Variants in CRTC2 observed in about 807,000 individuals in gnomAD.
The protein encoded by CRTC2 is CREB regulated transcription coactivator 2, also known as CREB-regulated transcription coactivator 2.
CRTC2 carries 25 observed loss-of-function variants against 70.9 expected under a neutral mutation model. That is an observed-to-expected ratio of 0.35 (90% CI 0.26 to 0.49). The LOEUF is 0.49. Ranked by LOEUF, CRTC2 falls within the 20% of genes least tolerant of loss-of-function variation. CRTC2 has a pLI of 0.98. For missense variants in CRTC2, 737 were observed against 882.6 expected (o/e 0.83, Z 2.09); for synonymous variants, 330 against 364.1 (o/e 0.91, Z 1.07).
chr1:153,954,751 T>A (rs2102117962), intron 3 of CRTC2, 122 bp downstream of exon 3: 1 of 855,338 alleles, frequency 1.2e-6, no homozygotes, highest in East Asian at 2.5e-5. Flanking sequence ...TCAGGGAAGC[T>A]GGGTAAAGAA....
Position 153,948,231 on chromosome 1 carries a change from G to A in CRTC2, c.1960C>T (p.Leu654=). The A allele has an allele frequency of 1.2e-6, 2 of 1,614,260 alleles. No homozygotes were observed. The highest frequency in any genetic ancestry group is 1.7e-6 in the Non-Finnish European group (2 of 1,180,034). The change falls in exon 14 of 14, where the codon CTA becomes TTA. Residue 654 remains leucine, a synonymous_variant. Transcript: ENST00000368633. Reference sequence around the variant, plus strand: ...GGCTCCATGCGCAGCTCATCTTCTAGCCCAAGCCCTAGCTCCAATCCAGCT... The same window carrying A: ...GGCTCCATGCGCAGCTCATCTTCTAACCCAAGCCCTAGCTCCAATCCAGCT... ...SAAGLELGLG[L]EDELRMEPLG... is the part of the protein sequence containing the mutation.
At chr1:153,951,702 T>C in intron 10 of CRTC2, 36 bp from the exon 11 acceptor site, 1 of 1,606,330 alleles carries the variant, frequency 6.2e-7, no homozygotes, top group Non-Finnish European at 8.5e-7. Flanking sequence ...GATGCCAACA[T>C]TACTGATGGG....
chr1:153,955,247 C>T, intron 1 of CRTC2, 81 bp from the exon 2 acceptor site: 1 of 1,040,838 alleles, frequency 9.6e-7, no homozygotes, highest in Non-Finnish European at 1.5e-6. Context: ...TCTCTGTCAC[C>T]AGGATATGCT....
chr1:153,954,176 C>T, intron 4 of CRTC2, 79 bp downstream of exon 4: 2 of 1,082,636 alleles, frequency 1.8e-6, no homozygotes, highest in Non-Finnish European at 2.8e-6. Context: ...GTAATCCCAG[C>T]CCCAACCCAG....
At position 153,952,626 on chromosome 1, in the gene CRTC2, A is replaced by G; in HGVS notation, c.647T>C (p.Ile216Thr). The G allele has an allele frequency of 6.2e-7, 1 of 1,614,230 alleles. No individual in the cohort carries two copies. The highest frequency in any genetic ancestry group is 2.2e-5 in the East Asian group (1 of 44,894). The part of the protein sequence containing the change: ...DGEMDPKVPA[I>T]EENLLDDKHL... ...CTTGTCATCTAGCAAGTTCTCCTCA[A>G]TAGCAGGTACTTGAAAGAGAAAGAC... Residue 216 changes from isoleucine (I) to threonine (T), a missense_variant, in exon 8 of 14, where the codon ATT becomes ACT. Ile to Thr is a moderately conservative substitution (Grantham distance 89, BLOSUM62 -1). This residue lies in a region of CRTC2 where 699 missense variants were observed against 823.7 expected (regional missense o/e 0.85). Transcript: ENST00000368633.
rs1232812251 is a variant in CRTC2, at chr1:153,948,266, T to C, written c.1925A>G (p.Glu642Gly). 1.9e-5 allele frequency: 30 copies of C among 1,614,098 alleles called. 1 individual carries two copies. Among genetic ancestry groups the C allele is most frequent in the Non-Finnish European group, 2.5e-5 (29 of 1,180,044 alleles). The change falls in exon 14 of 14, where the codon GAG becomes GGG. Residue 642 changes from glutamate (E) to glycine (G), a missense_variant. Physicochemically the swap from Glu to Gly is moderately conservative, Grantham distance 98 (BLOSUM62 -2). Around this residue, in one of 3 missense-constraint regions of CRTC2, gnomAD observed 699 missense variants for 823.7 expected, o/e 0.85. Coordinates refer to ENST00000368633, the MANE Select transcript of CRTC2 (RefSeq NM_181715.3). ...AAALAGVPGF[E>G]VSAAGLELGL... ...TAGCTCCAATCCAGCTGCTGACACC[T>C]CAAAGCCAGGCACTCCGGCCAGGGC...
rs776373267 is a variant in CRTC2, at chr1:153,948,493, G to T, written c.1826C>A (p.Ser609Tyr). Residue 609 changes from serine to tyrosine, a missense_variant, in exon 13 of 14, where the codon TCC (serine) becomes TAC (tyrosine). Transcript: ENST00000368633. ...TFNHQNLTHC[S>Y]RHGSGPNIIL... The stretch of plus-strand genomic sequence containing the variant: ...GATGTTAGGCCCTGAGCCATGGCGG[G>T]AACAGTGGGTCAAGTTCTGGTGGTT... The T allele has an allele frequency of 3.1e-6, 5 of 1,610,136 alleles. No individual in the cohort carries two copies. Among genetic ancestry groups the T allele is most frequent in the Non-Finnish European group, 4.2e-6 (5 of 1,177,952 alleles).
chr1:153,951,821 C>A lies in CRTC2; in HGVS notation c.998-155G>T, dbSNP rs115199989. 0.011 allele frequency: 11,451 copies of A among 1,052,328 alleles called. 93 individuals carry two copies. The highest frequency in any genetic ancestry group is 0.013 in the Non-Finnish European group (9,882 of 734,048). 65.2% of individuals were successfully genotyped at this position (1,052,328 alleles called of 1,614,324 possible). The stretch of plus-strand genomic sequence containing the variant: ...GACAGCACTGCCCATCTGGGGACTG[C>A]CCTTCCTCTTCTTTCTAGGAAACAC... On this transcript the variant is annotated intron_variant, in intron 10 of 13. Coordinates refer to ENST00000368633, the MANE Select transcript of CRTC2 (RefSeq NM_181715.3).
Position 153,948,137 on chromosome 1 carries a change from T to C in CRTC2, c.2054A>G (p.Glu685Gly), listed in dbSNP as rs1421393102. ...TTGGAGCCGGTCACTGCGGAATGAC[T>C]CCTCCACAGCAGGATCAGGCAGCAG... ...CALLPDPAVE[E>G]SFRSDRLQ Residue 685 changes from glutamate to glycine, a missense_variant, in exon 14 of 14, where the codon GAG becomes GGG. Physicochemically the swap from Glu to Gly is moderately conservative, Grantham distance 98. Coordinates refer to ENST00000368633, the MANE Select transcript of CRTC2 (RefSeq NM_181715.3). 1 of 1,614,118 alleles carries C rather than the reference T, an allele frequency of 6.2e-7. No individual in the cohort carries two copies. The highest frequency in any genetic ancestry group is 1.1e-5 in the South Asian group (1 of 91,090).
chr1:153,957,545 A>G (rs113791028), intron 1 of CRTC2, among the ~76,000 whole-genome samples: 2 of 152,270 alleles, frequency 1.3e-5, no homozygotes, highest in African/African-American at 4.8e-5. Context: ...GAGGCCTGAA[A>G]GTTCTTTCAA....
In CRTC2 at chr1:153,951,296, C is replaced by T. The variant is rs563056498; in HGVS notation, c.1368G>A (p.Ser456=). The T allele has an allele frequency of 2.6e-5, 42 of 1,613,788 alleles. No individual in the cohort carries two copies. Among genetic ancestry groups the T allele is most frequent in the Admixed American group, 1.2e-4 (7 of 59,950 alleles). The part of the protein sequence containing the change: ...RSQQQLPKQF[S]PTMSPTLSSI... The stretch of plus-strand genomic sequence containing the variant: ...AAGACAAGGTGGGTGACATTGTTGG[C>T]GAAAACTGTTTGGGCAGCTGCTGTT... The change falls in exon 11 of 14, where the codon TCG becomes TCA. Residue 456 remains serine, a synonymous_variant. Coordinates refer to ENST00000368633, the MANE Select transcript of CRTC2 (RefSeq NM_181715.3).
Position 153,958,565 on chromosome 1 carries a change from G to C in CRTC2, c.-68C>G. The C allele has an allele frequency of 6.9e-7, 1 of 1,451,400 alleles. No individual in the cohort carries two copies. The highest frequency in any genetic ancestry group is 1.3e-5 in the South Asian group (1 of 76,422). The allele number at this position is 1,451,400 out of a possible 1,614,324, so 89.9% of individuals were successfully genotyped here. ...GCGGCCTCCGCCGCGGCCTCGGCCC[G>C]GCTCCTCCAGCCGTAGCCACCGCCG... On this transcript the variant is annotated 5_prime_UTR_variant, in exon 1 of 14. Coordinates refer to ENST00000368633, the MANE Select transcript of CRTC2 (RefSeq NM_181715.3).
At chr1:153,958,067 C>T (rs1680729963) in intron 1 of CRTC2, 1 of 1,342,282 alleles carries the variant, frequency 7.4e-7, no homozygotes, top group Non-Finnish European at 9.6e-7. Context: ...TCACCTCCTA[C>T]CTCCGCCGGA....
At chr1:153,956,746 C>G (rs912661833) in intron 1 of CRTC2, among the ~76,000 whole-genome samples, 5 of 152,162 alleles carry the variant, frequency 3.3e-5, no homozygotes, top group African/African-American at 1.2e-4. Context: ...GTCCCTAGCT[C>G]TAGACTTTTG....
At chr1:153,949,442 A>T (rs1680206456) in intron 11 of CRTC2, 58 bp from the exon 12 acceptor site, 1 of 1,502,304 alleles carries the variant, frequency 6.7e-7, no homozygotes, top group South Asian at 1.3e-5. Context: ...AAGAACTCTC[A>T]GTCAGAGCTT....
chr1:153,952,910 A>G (rs1680433452), intron 6 of CRTC2, 76 bp from the exon 7 acceptor site: 3 of 1,547,550 alleles, frequency 1.9e-6, no homozygotes, highest in Middle Eastern at 3.4e-4. Context: ...GAGGCCGGGT[A>G]TGGTGGCTCA....
chr1:153,957,993 C>T (rs1680722928), intron 1 of CRTC2: 1 of 1,133,064 alleles, frequency 8.8e-7, no homozygotes, highest in South Asian at 2.0e-5. Flanking sequence ...AGGCCATACC[C>T]CAATACCAGG....
At position 153,951,467 on chromosome 1, in the gene CRTC2, G is replaced by A. The variant is rs895249711; in HGVS notation, c.1197C>T (p.Ser399=). The change falls in exon 11 of 14, where the codon TCC becomes TCT. Residue 399 remains serine, a synonymous_variant. Coordinates refer to ENST00000368633, the MANE Select transcript of CRTC2 (RefSeq NM_181715.3). ...HPSLSAPALS[S]SSSSSSTSSP... is the part of the protein sequence containing the mutation. The stretch of plus-strand genomic sequence containing the variant: ...ATGAAGTGGAGGAGGAGGAAGAGGA[G>A]GAGGAGAGAGCCGGAGCACTGAGTG... The A allele has an allele frequency of 4.4e-6, 7 of 1,600,370 alleles. No individual in the cohort carries two copies. Among genetic ancestry groups the A allele is most frequent in the Non-Finnish European group, 5.1e-6 (6 of 1,173,022 alleles).
At chr1:153,950,543 T>G (rs35179091) in intron 11 of CRTC2, among the ~76,000 whole-genome samples, 4 of 150,610 alleles carry the variant, frequency 2.7e-5, no homozygotes, top group Non-Finnish European at 4.4e-5. Context: ...AAAAGAGGAG[T>G]AGAGATAGAG....
Sources: allele counts gnomAD v4.1 joint callset (sites outside exome capture counted in the v4.1 genomes callset), GRCh38; gene constraint gnomAD v4.1.1; regional missense constraint gnomAD v4.1.1; transcripts MANE v1.5; gene names NCBI Gene and HGNC (gene_info 2026-07-23, HGNC 2026-07-21).